Variants in ABCG1 observed in about 807,000 individuals in gnomAD.
ABCG1 encodes the protein ATP-binding cassette sub-family G member 1.
A neutral mutation model predicts 69.2 loss-of-function variants in ABCG1; 29 were observed. The observed-to-expected ratio is 0.42, with a 90% CI of 0.31 to 0.57. The LOEUF is 0.57. ABCG1 is among the 20% of genes least tolerant of loss of function. ABCG1 has a pLI of 0.15. For synonymous variants in ABCG1, 370 were observed against 374.8 expected, an observed-to-expected ratio of 0.99 and a Z score of 0.15; for missense variants, 718 against 898.1, an observed-to-expected ratio of 0.80 and a Z score of 2.56.
chr21:42,217,623 C>T (rs2067654993), upstream of ABCG1, among the ~76,000 whole-genome samples: 1 of 149,236 alleles, frequency 6.7e-6, no homozygotes, highest in South Asian at 2.1e-4. Flanking sequence ...CTGGTAAACA[C>T]AGCAGTCAGA....
upstream of ABCG1, among the ~76,000 whole-genome samples, chr21:42,214,175 G>A (rs193035234): frequency 3.3e-5 from 5 of 152,346 alleles, no homozygotes; most frequent in African/African-American, 1.2e-4. Flanking sequence ...ACTAAGAGGT[G>A]TGGCCTCTGG....
rs2068643611 is a variant in ABCG1 at position 42,273,031 on chromosome 21, G to A, written c.405-272G>A. ...TTTGGCAGGTCAAGAAAGTGCTGCC[G>A]TTACCCTTAGTATAAACACACCATC... On this transcript the variant is annotated intron_variant, in intron 3 of 14. Coordinates refer to ENST00000398449, the MANE Select transcript of ABCG1 (RefSeq NM_016818.3). This position sits in a 1 kb window ranked among gnomAD's most constrained non-coding sequence, Gnocchi z 5.3. 6.6e-6 allele frequency among the ~76,000 whole-genome samples: 1 copy of A among 152,198 alleles called. No individual in the cohort carries two copies. The highest frequency in any genetic ancestry group is 6.5e-5 in the Admixed American group (1 of 15,284).
At chr21:42,246,264 A>G (rs2068132791) in intron 2 of ABCG1, among the ~76,000 whole-genome samples, 1 of 152,252 alleles carries the variant, frequency 6.6e-6, no homozygotes, top group African/African-American at 2.4e-5. Flanking sequence ...GCCATTTCTC[A>G]AGAGGAATGA....
intron 2 of ABCG1, among the ~76,000 whole-genome samples, chr21:42,231,188 CG>C (rs2067896220): frequency 6.6e-6 from 1 of 151,794 alleles, no homozygotes; most frequent in Admixed American, 6.6e-5. Flanking sequence ...ATGTGCATGG[CG>C]TGCTTTCTCT....
chr21:42,210,959 C>CTTCTTCTTTTTCT (rs772743532), intron 2 of ABCG1, among the ~76,000 whole-genome samples: 1 of 137,382 alleles, frequency 7.3e-6, no homozygotes, highest in African/African-American at 2.7e-5. Context: ...TTTCTTTCTT[C>CTTCTTCTTTTTCT]TTTTTTTTTT....
At chr21:42,248,800 G>C (rs993804205) in intron 2 of ABCG1, among the ~76,000 whole-genome samples, 9 of 151,698 alleles carry the variant, frequency 5.9e-5, no homozygotes, top group African/African-American at 2.2e-4. Context: ...CCAGTTACTT[G>C]GGGGGCTGAG....
upstream of ABCG1, among the ~76,000 whole-genome samples, chr21:42,217,628 G>A (rs1033429957): frequency 6.8e-6 from 1 of 147,856 alleles, no homozygotes; most frequent in Non-Finnish European, 1.5e-5. Context: ...AAACACAGCA[G>A]TCAGATTTCC....
At chr21:42,263,967 G>A (rs2068457601) in intron 2 of ABCG1, among the ~76,000 whole-genome samples, 1 of 152,226 alleles carries the variant, frequency 6.6e-6, no homozygotes, top group African/African-American at 2.4e-5. Flanking sequence ...AGTAACCATT[G>A]TGCAGGCTCC....
At chr21:42,270,954 C>T (rs779637796) in intron 2 of ABCG1, 116 bp from the exon 3 acceptor site, 42 of 603,944 alleles carry the variant, frequency 7.0e-5, no homozygotes, top group Non-Finnish European at 1.0e-4. Context: ...GCAGCCTTTT[C>T]TATGATGCAT....
intron 4 of ABCG1, among the ~76,000 whole-genome samples, chr21:42,274,076 C>A (rs1487058439): frequency 6.6e-6 from 1 of 152,252 alleles, no homozygotes; most frequent in East Asian, 1.9e-4. Context: ...TGTCTGTCTC[C>A]AAAGGCGCAC....
rs568800554 is a variant in ABCG1 at position 42,282,141 on chromosome 21, C to T, written c.589-133C>T. 2.5e-3 allele frequency: 3,178 copies of T among 1,268,280 alleles called. 12 individuals carry two copies. Among genetic ancestry groups the T allele is most frequent in the Middle Eastern group, 4.8e-3 (17 of 3,530 alleles). The allele number at this position is 1,268,280 out of a possible 1,614,324, so 78.6% of individuals were successfully genotyped here. A position where few individuals can be genotyped will look rare whatever the true frequency, so the allele number is the denominator to read the frequency against. ...GGCAGCCTGGAGTGGGTTCGACTTG[C>T]GTGGCCTCCACGTGGGCCAGGCACG... On this transcript the variant is annotated intron_variant, in intron 5 of 14. Transcript: ENST00000398449.
intron 5 of ABCG1, among the ~76,000 whole-genome samples, 175 bp downstream of exon 5, chr21:42,277,120 G>C (rs916054047): frequency 9.9e-5 from 15 of 152,190 alleles, no homozygotes; most frequent in African/African-American, 3.6e-4. Context: ...GCAGCAGCCA[G>C]AGGCCAAGAA....
At chr21:42,280,695 G>A (rs967111321) in intron 5 of ABCG1, among the ~76,000 whole-genome samples, 5 of 152,210 alleles carry the variant, frequency 3.3e-5, no homozygotes, top group Admixed American at 6.5e-5. Context: ...AGCGGCCTCC[G>A]CTTCCAGCAT....
chr21:42,251,103 G>A (rs371249668), intron 2 of ABCG1, among the ~76,000 whole-genome samples: 18 of 152,270 alleles, frequency 1.2e-4, no homozygotes, highest in South Asian at 8.3e-4. Flanking sequence ...AGAGGCCCAC[G>A]GTCGGTCGGT....
chr21:42,284,697 G>A lies in ABCG1; in HGVS notation c.858+14G>A, dbSNP rs191928695. The A allele has an allele frequency of 9.7e-5, 157 of 1,611,106 alleles. No homozygotes were observed. The African/African-American group carries it at 1.2e-3, about 12-fold the overall frequency. ...CTGTTCGACCAGGTACGCGGGCCCC[G>A]GGCCCTCCCCGCCAGATTACCACTG... On this transcript the variant is annotated intron_variant, in intron 7 of 14. Coordinates refer to ENST00000398449, the MANE Select transcript of ABCG1 (RefSeq NM_016818.3).
chr21:42,241,545 C>A (rs141370166), intron 2 of ABCG1, among the ~76,000 whole-genome samples: 1 of 150,908 alleles, frequency 6.6e-6, no homozygotes, highest in Admixed American at 6.6e-5. Context: ...GCAGAGGTTG[C>A]AGTGAGCTGA....
At position 42,243,451 on chromosome 21, in the gene ABCG1, T is replaced by C. The variant is rs868150994; in HGVS notation, c.286+17537T>C. Among the ~76,000 whole-genome samples, 873 of 102,832 alleles carry C rather than the reference T, an allele frequency of 8.5e-3. 7 individuals carry two copies. The highest frequency in any genetic ancestry group is 0.018 in the African/African-American group (476 of 25,882). 67.5% of individuals were successfully genotyped at this position (102,832 alleles called of 152,430 possible). ...TTTTAATACCGTGTGTGTGCGCGTG[T>C]GTGTGTGTGTGTGTGTGTGTGTGTG... is the stretch of plus-strand genomic sequence containing the variant. On this transcript the variant is annotated intron_variant, in intron 2 of 14. Transcript: ENST00000398449.
chr21:42,222,196 T>G (rs1163290634), intron 1 of ABCG1, among the ~76,000 whole-genome samples: 1 of 152,228 alleles, frequency 6.6e-6, no homozygotes, highest in Non-Finnish European at 1.5e-5. Flanking sequence ...GTTTTAATTT[T>G]AATGAGCTCA....
intron 2 of ABCG1, among the ~76,000 whole-genome samples, chr21:42,229,227 A>G (rs535605683): frequency 1.3e-5 from 2 of 152,328 alleles, no homozygotes; most frequent in South Asian, 4.1e-4. Context: ...TGCGACTCCA[A>G]GTGTGACGTT....
Sources: gnomAD v4.1 joint callset for allele counts (sites outside exome capture counted in the v4.1 genomes callset) on GRCh38, gnomAD v4.1.1 for gene constraint, Gnocchi (gnomAD v3.1) non-coding constraint, MANE v1.5 for transcripts, NCBI Gene and HGNC (gene_info 2026-07-23, HGNC 2026-07-21) for gene names.